FBXO31: variants seen among roughly 807,000 people sequenced by gnomAD.
FBXO31 encodes F-box only protein 31.
A neutral mutation model predicts 54.4 loss-of-function variants in FBXO31; 24 were observed. The observed-to-expected ratio is 0.44, with a 90% CI of 0.32 to 0.62. The LOEUF (loss-of-function observed/expected upper bound fraction) is 0.62. Ranked by LOEUF, FBXO31 falls within the 20% of genes least tolerant of loss-of-function variation. The probability of loss-of-function intolerance (pLI) is 0.05; values close to 1 mark genes in which losing one functional copy is unlikely to be tolerated. For synonymous variants in FBXO31, 388 were observed against 335.6 expected (o/e 1.16, Z -1.71); for missense variants, 665 against 787.1 (o/e 0.84, Z 1.86).
Position 87,383,055 on chromosome 16 carries a change from C to A in FBXO31, c.340+350G>T, listed in dbSNP as rs1907155566. 6.6e-6 allele frequency among the ~76,000 whole-genome samples: 1 copy of A among 152,132 alleles called. No homozygotes were observed. Among genetic ancestry groups the A allele is most frequent in the Non-Finnish European group, 1.5e-5 (1 of 68,006 alleles). On this transcript the variant is annotated intron_variant, in intron 1 of 8. Coordinates refer to ENST00000311635, the MANE Select transcript of FBXO31 (RefSeq NM_024735.5). This position sits in a 1 kb window ranked among gnomAD's most constrained non-coding sequence, Gnocchi z 4.9. ...GCGTCAGCTTAGGCCCCGCGCAGAC[C>A]TCGAGGGATCCCAGCCCCAGCTCCC...
chr16:87,343,040 T>TC, intron 4 of FBXO31, 89 bp from the exon 5 acceptor site: 1 of 1,129,296 alleles, frequency 8.9e-7, no homozygotes, highest in Non-Finnish European at 1.3e-6. Context: ...CCACGACCCC[T>TC]CCCTCACCAC....
At chr16:87,332,193 G>A (rs1223721573) in intron 8 of FBXO31, among the ~76,000 whole-genome samples, 8 of 152,240 alleles carry the variant, frequency 5.3e-5, no homozygotes, top group South Asian at 4.1e-4. Flanking sequence ...TCTCAAGCTC[G>A]GGGAGAAGTT....
Position 87,383,589 on chromosome 16 carries a change from G to A in FBXO31, c.156C>T (p.Gly52=), listed in dbSNP as rs751931058. 1.4e-6 allele frequency: 2 copies of A among 1,479,648 alleles called. No individual in the cohort carries two copies. The highest frequency in any genetic ancestry group is 1.3e-5 in the South Asian group (1 of 76,172). 91.7% of individuals were successfully genotyped at this position (1,479,648 alleles called of 1,614,324 possible). Residue 52 remains glycine, a synonymous_variant, in exon 1 of 9, where the codon GGC becomes GGT. Coordinates refer to ENST00000311635, the MANE Select transcript of FBXO31 (RefSeq NM_024735.5). This position sits in a 1 kb window ranked among gnomAD's most constrained non-coding sequence, Gnocchi z 4.9. ...GCGGCGAGGGGCCCGCGCACAAGCCGCCCCCGACCCCGGCGCTAGCCTCGA... is the reference window on the plus strand; with the variant it reads ...GCGGCGAGGGGCCCGCGCACAAGCCACCCCCGACCCCGGCGCTAGCCTCGA... ...ERIEASAGVG[G]GLCAGPSPPP... is the part of the protein sequence containing the mutation.
At chr16:87,377,931 G>C (rs1021859657) in intron 1 of FBXO31, among the ~76,000 whole-genome samples, 5 of 152,052 alleles carry the variant, frequency 3.3e-5, no homozygotes, top group Non-Finnish European at 5.9e-5. Flanking sequence ...CCCGAGGCAG[G>C]CGGATCACCT....
At chr16:87,361,368 G>A (rs903987041) in intron 1 of FBXO31, among the ~76,000 whole-genome samples, 4 of 152,206 alleles carry the variant, frequency 2.6e-5, no homozygotes, top group East Asian at 1.9e-4. Flanking sequence ...AGCTTCCTTC[G>A]CAGTGAGAAT....
intron 1 of FBXO31, among the ~76,000 whole-genome samples, chr16:87,377,724 G>A (rs1906885421): frequency 6.6e-6 from 1 of 151,834 alleles, no homozygotes; most frequent in African/African-American, 2.4e-5. Context: ...AGCTTCTTGG[G>A]AGGCTGAGGT....
rs572479016 is a variant in FBXO31 at position 87,371,989 on chromosome 16, C to T, written c.340+11416G>A. 2.6e-5 allele frequency among the ~76,000 whole-genome samples: 4 copies of T among 152,048 alleles called. No individual in the cohort carries two copies. The South Asian group carries it at 6.2e-4, about 24-fold the overall frequency. Reference sequence around the variant, plus strand: ...ATGTAATCCCAGCACTTTAGGAGGCCGAGGTGGGCAGACTGCTTGAGCTCA... The same window carrying T: ...ATGTAATCCCAGCACTTTAGGAGGCTGAGGTGGGCAGACTGCTTGAGCTCA... On this transcript the variant is annotated intron_variant, in intron 1 of 8. Transcript: ENST00000311635.
chr16:87,354,788 C>G (rs1905822296), intron 2 of FBXO31, among the ~76,000 whole-genome samples: 1 of 151,992 alleles, frequency 6.6e-6, no homozygotes, highest in Non-Finnish European at 1.5e-5. Flanking sequence ...GCCAAACTGG[C>G]AAAACCCCGT....
chr16:87,390,835 G>T (rs1245554223), upstream of FBXO31, among the ~76,000 whole-genome samples: 2 of 151,974 alleles, frequency 1.3e-5, no homozygotes, highest in Admixed American at 1.3e-4. Flanking sequence ...GGGCTCAAGC[G>T]ATCCTCCCAG....
chr16:87,339,631 G>C (rs1905131653), intron 5 of FBXO31, among the ~76,000 whole-genome samples: 1 of 152,208 alleles, frequency 6.6e-6, no homozygotes, highest in Non-Finnish European at 1.5e-5. Context: ...CTCAGAAGCG[G>C]GACGAGCCGA....
intron 2 of FBXO31, among the ~76,000 whole-genome samples, chr16:87,350,656 T>C (rs1274920171): frequency 6.6e-6 from 1 of 152,036 alleles, no homozygotes; most frequent in Non-Finnish European, 1.5e-5. Context: ...GATAACAAAA[T>C]GGAGGTTCAC....
At position 87,333,874 on chromosome 16, in the gene FBXO31, C is replaced by T. The variant is rs372771857; in HGVS notation, c.1397+12G>A. ...TCCCACCTTCAGGCCCCAGTACCCG[C>T]CGCATCCTTACCACATCCTGCAGGT... On this transcript the variant is annotated intron_variant, in intron 8 of 8. Coordinates refer to ENST00000311635, the MANE Select transcript of FBXO31 (RefSeq NM_024735.5). 21 of 1,586,722 alleles carry T rather than the reference C, an allele frequency of 1.3e-5. No individual in the cohort carries two copies. In the South Asian group the frequency reaches 2.1e-4, roughly 16 times the overall value.
chr16:87,381,371 T>A (rs1343568831), intron 1 of FBXO31, among the ~76,000 whole-genome samples: 1 of 152,172 alleles, frequency 6.6e-6, no homozygotes, highest in Non-Finnish European at 1.5e-5. Flanking sequence ...ACCCACTAGC[T>A]ACCATTTAGG....
intron 1 of FBXO31, among the ~76,000 whole-genome samples, chr16:87,374,186 G>A (rs1255610098): frequency 6.6e-6 from 1 of 151,544 alleles, no homozygotes; most frequent in Non-Finnish European, 1.5e-5. Flanking sequence ...AAGTTGCCGT[G>A]AGCCATGATC....
chr16:87,335,242 T>G lies in FBXO31; in HGVS notation c.996+62A>C. 1 of 1,603,180 alleles carries G rather than the reference T, an allele frequency of 6.2e-7. No individual in the cohort carries two copies. The highest frequency in any genetic ancestry group is 8.5e-7 in the Non-Finnish European group (1 of 1,178,234). On this transcript the variant is annotated intron_variant, in intron 7 of 8. Transcript: ENST00000311635. The surrounding 1 kb of genome is among the most constrained non-coding windows in gnomAD (Gnocchi z 5.7). Reference sequence around the variant, plus strand: ...TCAGTGTCTGCCCAAGTTCCCTGACTCCACAGCCCACTTGGGCCAGGTGCC... The same window carrying G: ...TCAGTGTCTGCCCAAGTTCCCTGACGCCACAGCCCACTTGGGCCAGGTGCC...
chr16:87,350,808 A>G (rs1905620117), intron 2 of FBXO31, among the ~76,000 whole-genome samples: 3 of 152,266 alleles, frequency 2.0e-5, no homozygotes, highest in East Asian at 3.9e-4. Context: ...ACACTGCCCA[A>G]TGAGCCTGCC....
chr16:87,357,422 C>T (rs34260864), intron 2 of FBXO31, among the ~76,000 whole-genome samples: 9 of 151,310 alleles, frequency 5.9e-5, no homozygotes, highest in East Asian at 2.0e-4. Context: ...CTTCACCTCC[C>T]GGGTTCAAGC....
chr16:87,377,690 G>T (rs1388517703), intron 1 of FBXO31, among the ~76,000 whole-genome samples: 5 of 151,754 alleles, frequency 3.3e-5, no homozygotes, highest in Non-Finnish European at 7.4e-5. Flanking sequence ...TTAGCTGGGT[G>T]TGGTGGTGCA....
chr16:87,349,204 G>C (rs1905530765), intron 2 of FBXO31, among the ~76,000 whole-genome samples: 1 of 152,242 alleles, frequency 6.6e-6, no homozygotes, highest in Admixed American at 6.5e-5. Flanking sequence ...TCCATGTGAA[G>C]AGGTGAGAGC....
Sources: gnomAD v4.1 joint callset for allele counts (sites outside exome capture counted in the v4.1 genomes callset) on GRCh38, gnomAD v4.1.1 for gene constraint, Gnocchi (gnomAD v3.1) non-coding constraint, MANE v1.5 for transcripts, NCBI Gene and HGNC (gene_info 2026-07-23, HGNC 2026-07-21) for gene names.